EPB41: variants seen among roughly 807,000 people sequenced by gnomAD.
EPB41 encodes the protein protein 4.1.
A neutral mutation model predicts 108.0 loss-of-function variants in EPB41; 65 were observed. The observed-to-expected ratio is 0.60, with a 90% confidence interval of 0.49 to 0.74. EPB41 has a LOEUF of 0.74. Ranked by LOEUF, EPB41 falls within the 30% of genes least tolerant of loss-of-function variation. The pLI, the probability that EPB41 is intolerant of heterozygous loss-of-function variation, is 0.00. For synonymous variants in EPB41, 336 were observed against 358.9 expected (o/e 0.94, Z 0.72); for missense variants, 875 against 1,037.0 (o/e 0.84, Z 2.15).
At chr1:29,074,368 C>T (rs553686516) in intron 16 of EPB41, among the ~76,000 whole-genome samples, 40 of 152,116 alleles carry the variant, frequency 2.6e-4, no homozygotes, top group African/African-American at 8.7e-4. Context: ...CAAATTACAC[C>T]GTTTGTAATA....
chr1:29,061,568 C>CTTTTTTTT (rs1216571057), intron 15 of EPB41, among the ~76,000 whole-genome samples: 2 of 89,900 alleles, frequency 2.2e-5, no homozygotes, highest in African/African-American at 8.6e-5. Flanking sequence ...TGCGCCTGGC[C>CTTTTTTTT]TTTGTTTTTT....
intron 1 of EPB41, among the ~76,000 whole-genome samples, chr1:28,969,276 G>A (rs926489298): frequency 6.6e-6 from 1 of 151,274 alleles, no homozygotes; most frequent in Non-Finnish European, 1.5e-5. Flanking sequence ...ATAGAGACAG[G>A]GTCTCACCAT....
intron 7 of EPB41, among the ~76,000 whole-genome samples, chr1:29,020,269 A>G (rs1271236470): frequency 1.3e-5 from 2 of 151,772 alleles, no homozygotes; most frequent in Non-Finnish European, 2.9e-5. Context: ...GGGTTTCACC[A>G]TCTTGGCCAG....
intron 1 of EPB41, among the ~76,000 whole-genome samples, chr1:28,934,266 C>T (rs1344213749): frequency 6.6e-6 from 1 of 152,150 alleles, no homozygotes; most frequent in Non-Finnish European, 1.5e-5. Flanking sequence ...TACTTCCTAT[C>T]AAGGGTACAT....
rs1486970483 is a variant in EPB41, at chr1:29,119,463, TAA to T, written c.*2653_*2654del. 3 of 152,428 alleles carry T rather than the reference TAA, an allele frequency of 2.0e-5. No homozygotes were observed. Among genetic ancestry groups the T allele is most frequent in the Non-Finnish European group, 4.4e-5 (3 of 68,038 alleles). 9.4% of individuals were successfully genotyped at this position (152,428 alleles called of 1,614,324 possible). ...TGCAATTTTATTTTAATTTGAGAAA[TAA>T]AGATTTCCTCCAAGCCACATGAGGA... On this transcript the variant is annotated 3_prime_UTR_variant, in exon 21 of 21. Transcript: ENST00000343067.
chr1:29,062,753 C>T (rs181974872), intron 15 of EPB41, among the ~76,000 whole-genome samples: 23 of 151,176 alleles, frequency 1.5e-4, no homozygotes, highest in African/African-American at 4.6e-4. Flanking sequence ...TTAGATCTAC[C>T]GCCTCCTCCT....
At chr1:29,102,972 C>T (rs1431316491) in intron 17 of EPB41, among the ~76,000 whole-genome samples, 1 of 152,110 alleles carries the variant, frequency 6.6e-6, no homozygotes, top group African/African-American at 2.4e-5. Context: ...GGGGTTTCAC[C>T]ATGTTGGTCA....
rs1572794321 is a variant in EPB41, at chr1:29,033,386, T to G, written c.1365+141T>G. 25 of 974,754 alleles carry G rather than the reference T, an allele frequency of 2.6e-5. No individual in the cohort carries two copies. The East Asian group carries it at 6.4e-4, about 25-fold the overall frequency. The allele number at this position is 974,754 out of a possible 1,614,324, so 60.4% of individuals were successfully genotyped here. ...AGGGCTGATAATTCCGTTTTCTAAG[T>G]TGATCAGTCCTGTGATGCTACTTCT... is the stretch of plus-strand genomic sequence containing the variant. On this transcript the variant is annotated intron_variant, in intron 9 of 20. Transcript: ENST00000343067.
At chr1:28,973,572 T>G (rs1362488641) in intron 1 of EPB41, among the ~76,000 whole-genome samples, 1 of 152,066 alleles carries the variant, frequency 6.6e-6, no homozygotes, top group East Asian at 1.9e-4. Flanking sequence ...TTATTTTTAT[T>G]TTTTTAGAAA....
rs1002114162 is a variant in EPB41 at position 29,006,057 on chromosome 1, C to T, written c.787-5808C>T. On this transcript the variant is annotated intron_variant, in intron 4 of 20. Transcript: ENST00000343067. ...AATAGAACTAGATTATTCAGAATTA[C>T]TATTTTAGGGGACATCTGAAGATCC... Among the ~76,000 whole-genome samples, 9 of 152,236 alleles carry T rather than the reference C, an allele frequency of 5.9e-5. No homozygotes were observed. The South Asian group carries it at 6.2e-4, about 10-fold the overall frequency.
chr1:29,072,020 C>T (rs1464545386), intron 16 of EPB41: 1 of 152,092 alleles, frequency 6.6e-6, no homozygotes, highest in East Asian at 1.9e-4. Flanking sequence ...CAATATTGTT[C>T]TCTTGTCTCT....
chr1:28,990,480 G>T (rs1442693216), intron 2 of EPB41, among the ~76,000 whole-genome samples: 1 of 151,128 alleles, frequency 6.6e-6, no homozygotes, highest in East Asian at 1.9e-4. Context: ...GAATACAGTG[G>T]TGTGATCATG....
At chr1:28,906,850 A>C (rs2091873088) in intron 1 of EPB41, among the ~76,000 whole-genome samples, 1 of 147,064 alleles carries the variant, frequency 6.8e-6, no homozygotes, top group South Asian at 2.1e-4. Flanking sequence ...ATCTCAGCTC[A>C]CTGCAAGCTC....
At position 29,065,117 on chromosome 1, in the gene EPB41, C is replaced by G; in HGVS notation, c.2143C>G (p.Arg715Gly). 1 of 1,612,586 alleles carries G rather than the reference C, an allele frequency of 6.2e-7. No homozygotes were observed. Among genetic ancestry groups the G allele is most frequent in the East Asian group, 2.2e-5 (1 of 44,872 alleles). ...ACGCTTATCCACTCACTCACCCTTC[C>G]GAACTCTTAACATCAATGGGCAAAT... ...DKRLSTHSPF[R>G]TLNINGQIPT... is the part of the protein sequence containing the mutation. Residue 715 changes from arginine to glycine, a missense_variant, in exon 16 of 21, where the codon CGA (arginine) becomes GGA (glycine). By Grantham distance (125) the Arg-to-Gly change is moderately radical. This residue lies in a region of EPB41 where 519 missense variants were observed against 627.3 expected (regional missense o/e 0.83). Transcript: ENST00000343067.
chr1:29,082,648 T>C (rs988921185), intron 16 of EPB41, among the ~76,000 whole-genome samples: 1 of 152,202 alleles, frequency 6.6e-6, no homozygotes, highest in African/African-American at 2.4e-5. Context: ...CAAACGCTTC[T>C]GGTCTGTTAG....
chr1:29,057,488 AT>A (rs1203750409), intron 12 of EPB41, among the ~76,000 whole-genome samples: 1 of 151,858 alleles, frequency 6.6e-6, no homozygotes, highest in Non-Finnish European at 1.5e-5. Context: ...AGTGTCACTA[AT>A]TTTGGTGCTC....
chr1:29,058,606 C>A lies in EPB41; in HGVS notation c.1863C>A (p.Ile621=). The part of the protein sequence containing the change: ...TEAWKVEKTH[I]EVTVPTSNGD... ...AAATGTAGGTGGAAAAAACCCACAT[C>A]GAGGTGACAGTACCCACCTCAAATG... The change falls in exon 13 of 21, where the codon ATC becomes ATA. Residue 621 remains isoleucine, a synonymous_variant. Transcript: ENST00000343067. The A allele has an allele frequency of 6.2e-7, 1 of 1,613,686 alleles. No homozygotes were observed. Among genetic ancestry groups the A allele is most frequent in the Non-Finnish European group, 8.5e-7 (1 of 1,179,768 alleles).
chr1:28,899,303 T>C lies in EPB41; in HGVS notation c.-8+12093T>C, dbSNP rs149549120. 2.2e-3 allele frequency among the ~76,000 whole-genome samples: 342 copies of C among 152,342 alleles called. 1 individual carries two copies. Among genetic ancestry groups the C allele is most frequent in the African/African-American group, 7.9e-3 (327 of 41,586 alleles). ...AAGCTACTGTTAGAGCTGCTGCCTC[T>C]TAAAAACTTCTTCTGCCCTTCCCCT... On this transcript the variant is annotated intron_variant, in intron 1 of 16. Coordinates refer to the EPB41 transcript ENST00000347529.
chr1:28,923,524 A>C (rs1370015960), intron 1 of EPB41, among the ~76,000 whole-genome samples: 1 of 152,180 alleles, frequency 6.6e-6, no homozygotes, highest in African/African-American at 2.4e-5. Flanking sequence ...TCTCCTAAAG[A>C]TGATGCCTAT....
Sources: gnomAD v4.1 joint callset for allele counts (sites outside exome capture counted in the v4.1 genomes callset) on GRCh38, gnomAD v4.1.1 for gene constraint, gnomAD v4.1.1 regional missense constraint, MANE v1.5 for transcripts, NCBI Gene and HGNC (gene_info 2026-07-23, HGNC 2026-07-21) for gene names.